The following IQCK variants were observed in gnomAD, a reference collection of about 807,000 sequenced individuals.
The protein encoded by IQCK is IQ motif containing K.
A neutral mutation model predicts 28.1 loss-of-function variants in IQCK; 29 were observed. The ratio of observed to expected loss-of-function variants is 1.03; its 90% CI spans 0.77 to 1.41. The LOEUF is 1.41. Ranked by LOEUF, IQCK falls within the 40% of genes most tolerant of loss-of-function variation. The pLI is 0.00. For synonymous variants in IQCK, 113 were observed against 115.1 expected (o/e 0.98, Z 0.12); for missense variants, 359 against 314.7 (o/e 1.14, Z -1.07).
At chr16:19,775,254 T>G (rs1238968981) in intron 6 of IQCK, among the ~76,000 whole-genome samples, 1 of 151,828 alleles carries the variant, frequency 6.6e-6, no homozygotes. Flanking sequence ...AAGAAGACTT[T>G]TTAAAATGCA....
chr16:19,770,349 C>T (rs989710694), intron 6 of IQCK, among the ~76,000 whole-genome samples: 1 of 152,162 alleles, frequency 6.6e-6, no homozygotes, highest in Non-Finnish European at 1.5e-5. Context: ...TGTTACAAAG[C>T]ACCCCAGAAC....
intron 7 of IQCK, among the ~76,000 whole-genome samples, chr16:19,821,365 G>C (rs2056068738): frequency 6.6e-6 from 1 of 152,112 alleles, no homozygotes; most frequent in South Asian, 2.1e-4. Context: ...AATTACCCAT[G>C]TCACCCAGCA....
At chr16:19,748,515 T>G (rs2054943947) in intron 4 of IQCK, among the ~76,000 whole-genome samples, 1 of 152,250 alleles carries the variant, frequency 6.6e-6, no homozygotes, top group Admixed American at 6.5e-5. Flanking sequence ...GATAAATGAG[T>G]TAAGCAAAAC....
chr16:19,856,787 TAC>T, exon 10 of IQCK: 1 of 502,002 alleles, frequency 2.0e-6, no homozygotes, highest in Non-Finnish European at 3.5e-6. Flanking sequence ...TCATCCAGAT[TAC>T]TTCTTCAGTG....
At chr16:19,775,866 CTTTTTTTTTTTTTTTTTTT>C (rs570530152) in intron 6 of IQCK, among the ~76,000 whole-genome samples, 3 of 37,700 alleles carry the variant, frequency 8.0e-5, no homozygotes, top group African/African-American at 2.1e-4. Context: ...TGGGCACAGG[CTTTTTTTTTTTTTTTTTTT>C]TTTTTTTTTT....
At chr16:19,737,728 G>A (rs945576204) in intron 4 of IQCK, among the ~76,000 whole-genome samples, 4 of 151,606 alleles carry the variant, frequency 2.6e-5, no homozygotes, top group South Asian at 2.1e-4. Flanking sequence ...TTCTCCCTCC[G>A]TCTCTCCCCC....
intron 9 of IQCK, among the ~76,000 whole-genome samples, chr16:19,855,780 G>C (rs556498497): frequency 2.0e-5 from 3 of 152,202 alleles, no homozygotes; most frequent in South Asian, 2.1e-4. Context: ...CCTGTGGCCT[G>C]GCTCAAACCA....
intron 9 of IQCK, among the ~76,000 whole-genome samples, chr16:19,849,432 A>G (rs2056453399): frequency 6.6e-6 from 1 of 152,088 alleles, no homozygotes; most frequent in South Asian, 2.1e-4. Context: ...GTTCTAAAAA[A>G]ATAAAAATTT....
Position 19,769,288 on chromosome 16 carries a change from G to A in IQCK, c.605+5176G>A, listed in dbSNP as rs115242549. Among the ~76,000 whole-genome samples, 558 of 152,318 alleles carry A rather than the reference G, an allele frequency of 3.7e-3. 3 individuals carry two copies. The highest frequency in any genetic ancestry group is 0.013 in the African/African-American group (531 of 41,562). ...AATAATTAAGCTCTACCTTAGGGAG[G>A]GAGGAGTATCAAAGAATGTGTGGAC... On this transcript the variant is annotated intron_variant, in intron 6 of 7. Transcript: ENST00000564186.
At chr16:19,845,311 C>T (rs2056404971) in intron 9 of IQCK, among the ~76,000 whole-genome samples, 1 of 152,242 alleles carries the variant, frequency 6.6e-6, no homozygotes, top group African/African-American at 2.4e-5. Flanking sequence ...TTAAAGGCAG[C>T]ATATAATATA....
intron 1 of IQCK, among the ~76,000 whole-genome samples, chr16:19,727,197 A>G (rs991309329): frequency 6.6e-6 from 1 of 152,096 alleles, no homozygotes; most frequent in South Asian, 2.1e-4. Context: ...CAAATAAGGC[A>G]AAAACTAATA....
chr16:19,809,755 A>G (rs1449936445), intron 7 of IQCK, among the ~76,000 whole-genome samples: 2 of 152,186 alleles, frequency 1.3e-5, no homozygotes, highest in Admixed American at 6.5e-5. Context: ...CCACATCATA[A>G]TTATCCAGAG....
intron 2 of IQCK, among the ~76,000 whole-genome samples, chr16:19,732,611 C>T (rs1193597827): frequency 6.6e-6 from 1 of 152,194 alleles, no homozygotes; most frequent in East Asian, 1.9e-4. Flanking sequence ...CAGGCGTATG[C>T]CACCACTGCC....
chr16:19,839,223 T>C (rs1281842646), intron 9 of IQCK, among the ~76,000 whole-genome samples: 3 of 151,518 alleles, frequency 2.0e-5, no homozygotes, highest in Non-Finnish European at 4.4e-5. Context: ...TGCAATGGCA[T>C]GATCTTGGCT....
intron 6 of IQCK, among the ~76,000 whole-genome samples, chr16:19,767,946 G>A (rs920373479): frequency 2.7e-5 from 4 of 150,858 alleles, no homozygotes; most frequent in Non-Finnish European, 5.9e-5. Context: ...GGAAAATAGT[G>A]GTACCTAACT....
At chr16:19,733,769 C>T (rs1977917006) in exon 3 of IQCK, 2 of 1,614,152 alleles carry the variant, frequency 1.2e-6, no homozygotes. Flanking sequence ...CCCATTTCAC[C>T]ATGATCTCAC....
At chr16:19,762,316 T>TGGCA (rs2151708384) in intron 4 of IQCK, among the ~76,000 whole-genome samples, 1 of 152,280 alleles carries the variant, frequency 6.6e-6, no homozygotes. Flanking sequence ...CTCGTGAAGG[T>TGGCA]GGCACTTAGA....
At chr16:19,719,778 A>G (rs1439024614) in intron 1 of IQCK, among the ~76,000 whole-genome samples, 1 of 147,154 alleles carries the variant, frequency 6.8e-6, no homozygotes, top group Non-Finnish European at 1.5e-5. Context: ...GGGTTCAAGC[A>G]TTCTCACACC....
intron 9 of IQCK, among the ~76,000 whole-genome samples, chr16:19,840,123 A>C (rs1231417895): frequency 1.3e-5 from 2 of 152,216 alleles, no homozygotes; most frequent in Non-Finnish European, 2.9e-5. Context: ...TGGGAGGCCA[A>C]GGCTGGTGGA....
Sources: gnomAD v4.1 joint callset for allele counts (sites outside exome capture counted in the v4.1 genomes callset) on GRCh38, gnomAD v4.1.1 for gene constraint, MANE v1.5 for transcripts, NCBI Gene and HGNC (gene_info 2026-07-23, HGNC 2026-07-21) for gene names.